Variants in BMP8A observed in about 807,000 individuals in gnomAD.
BMP8A encodes the protein BMP-8A.
Under a neutral mutation model 36.8 loss-of-function variants are expected in BMP8A, and 14 were observed. The ratio of observed to expected loss-of-function variants is 0.38; its 90% CI spans 0.25 to 0.60. The LOEUF (loss-of-function observed/expected upper bound fraction) is 0.60. Among genes scored for constraint, BMP8A ranks in the 20% least tolerant of loss-of-function variants. The probability of loss-of-function intolerance (pLI) is 0.63; values close to 1 mark genes in which losing one functional copy is unlikely to be tolerated. For synonymous variants in BMP8A, 120 were observed against 237.7 expected, an observed-to-expected ratio of 0.50 and a Z score of 4.55; for missense variants, 267 against 551.1, an observed-to-expected ratio of 0.48 and a Z score of 5.16.
chr1:39,520,197 G>A (rs1381570809), intron 3 of BMP8A, among the ~76,000 whole-genome samples: 2 of 114,628 alleles, frequency 1.7e-5, no homozygotes, highest in African/African-American at 6.2e-5. Flanking sequence ...CTGGAGTGTG[G>A]TGACACAATC....
intron 1 of BMP8A, among the ~76,000 whole-genome samples, chr1:39,493,642 C>A (rs1368360612): frequency 3.3e-5 from 5 of 152,226 alleles, no homozygotes; most frequent in African/African-American, 1.2e-4. Flanking sequence ...TGGAGGCGAG[C>A]AGCAGAAGGC....
rs1201662695 is a variant in BMP8A at position 39,527,205 on chromosome 1, G to A, written c.*1407G>A. On this transcript the variant is annotated 3_prime_UTR_variant, in exon 7 of 7. Coordinates refer to ENST00000331593, the MANE Select transcript of BMP8A (RefSeq NM_181809.4). ...TCTGTGAGTCAAAGAAAAGGTCCCT[G>A]TCCCAGGGAGTGACAGGCAGTAATT... is the stretch of plus-strand genomic sequence containing the variant. Among the ~76,000 whole-genome samples the A allele has an allele frequency of 6.6e-6, 1 of 152,214 alleles. No homozygotes were observed. The highest frequency in any genetic ancestry group is 1.9e-4 in the East Asian group (1 of 5,196).
At position 39,529,478 on chromosome 1, in the gene BMP8A, G is replaced by A. The variant is rs1484277801; in HGVS notation, c.*3680G>A. On this transcript the variant is annotated 3_prime_UTR_variant, in exon 7 of 7. Transcript: ENST00000331593. ...CCCGTAGTGAGTGTGGGGCCCACCT[G>A]TGCCCTCATGGGCAGCTGAAGGGGG... Among the ~76,000 whole-genome samples the A allele has an allele frequency of 6.6e-6, 1 of 152,202 alleles. No individual in the cohort carries two copies. Among genetic ancestry groups the A allele is most frequent in the South Asian group, 2.1e-4 (1 of 4,830 alleles).
intron 1 of BMP8A, among the ~76,000 whole-genome samples, chr1:39,504,486 A>G (rs915553836): frequency 6.6e-6 from 1 of 152,210 alleles, no homozygotes; most frequent in Non-Finnish European, 1.5e-5. Context: ...GTTTGACTTT[A>G]CACAAACATC....
At chr1:39,496,239 A>G (rs200219930) in intron 1 of BMP8A, among the ~76,000 whole-genome samples, 5,008 of 142,922 alleles carry the variant, frequency 0.035, 104 homozygotes, top group East Asian at 0.29. Flanking sequence ...GGATATAACA[A>G]TGAGAGAAGT....
chr1:39,494,223 A>G (rs1006608675), intron 1 of BMP8A, among the ~76,000 whole-genome samples: 31 of 152,230 alleles, frequency 2.0e-4, no homozygotes, highest in African/African-American at 7.5e-4. Flanking sequence ...GTACACGTGA[A>G]ACCCAGAAAT....
At position 39,525,803 on chromosome 1, in the gene BMP8A, G is replaced by C. The variant is rs2230006; in HGVS notation, c.*5G>C. ...AAGGCCTGCGGCTGCCACTGAGTCA[G>C]CCCGCCCAGCCCTACTGCAGCCACC... On this transcript the variant is annotated 3_prime_UTR_variant, in exon 7 of 7. Coordinates refer to ENST00000331593, the MANE Select transcript of BMP8A (RefSeq NM_181809.4). 5.6e-6 allele frequency: 9 copies of C among 1,613,554 alleles called. No individual in the cohort carries two copies. In the South Asian group the frequency reaches 6.6e-5, roughly 12 times the overall value.
chr1:39,496,066 G>C (rs1645202633), intron 1 of BMP8A, among the ~76,000 whole-genome samples: 1 of 152,210 alleles, frequency 6.6e-6, no homozygotes, highest in African/African-American at 2.4e-5. Flanking sequence ...GTCCTGCTCT[G>C]CCCTTGCCAG....
At chr1:39,523,161 C>T (rs1184459941) in intron 6 of BMP8A, 44 bp downstream of exon 6, 5 of 1,602,414 alleles carry the variant, frequency 3.1e-6, no homozygotes, top group Non-Finnish European at 4.3e-6. Context: ...GGGTGGGAGG[C>T]CCTGCAGAGA....
rs543007672 is a variant in BMP8A at position 39,524,014 on chromosome 1, G to A, written c.1059+897G>A. 1.4e-4 allele frequency: 21 copies of A among 153,852 alleles called. No individual in the cohort carries two copies. The highest frequency in any genetic ancestry group is 3.2e-3 in the Middle Eastern group (1 of 312). 9.5% of individuals were successfully genotyped at this position (153,852 alleles called of 1,614,324 possible). A position where few individuals can be genotyped will look rare whatever the true frequency, so the allele number is the denominator to read the frequency against. ...CACACACACACACACACACACGTGC[G>A]CACACAATGCCTTGGTGTGAGAGGA... On this transcript the variant is annotated intron_variant, in intron 6 of 6. Coordinates refer to ENST00000331593, the MANE Select transcript of BMP8A (RefSeq NM_181809.4). This position sits in a 1 kb window ranked among gnomAD's most constrained non-coding sequence, Gnocchi z 4.0.
At chr1:39,506,184 A>G (rs928035759) in intron 1 of BMP8A, among the ~76,000 whole-genome samples, 2 of 151,984 alleles carry the variant, frequency 1.3e-5, no homozygotes, top group Admixed American at 1.3e-4. Context: ...GATTTAGTTA[A>G]CAGTATCAAT....
chr1:39,520,194 G>A (rs1645420429), intron 3 of BMP8A, among the ~76,000 whole-genome samples: 1 of 111,648 alleles, frequency 9.0e-6, no homozygotes, highest in Non-Finnish European at 1.9e-5. Context: ...CAGCTGGAGT[G>A]TGGTGACACA....
chr1:39,523,679 C>G (rs887603313), intron 6 of BMP8A: 1 of 1,428,872 alleles, frequency 7.0e-7, no homozygotes. Flanking sequence ...GCTTTTGATG[C>G]CTTGGTGTCT....
At chr1:39,519,809 C>T (rs1645418337) in intron 3 of BMP8A, among the ~76,000 whole-genome samples, 1 of 147,926 alleles carries the variant, frequency 6.8e-6, no homozygotes, top group Non-Finnish European at 1.5e-5. Context: ...TTTATGCAAA[C>T]ATATGCCTGT....
intron 1 of BMP8A, among the ~76,000 whole-genome samples, chr1:39,500,246 C>A (rs781027623): frequency 6.6e-5 from 10 of 152,218 alleles, no homozygotes; most frequent in Non-Finnish European, 2.9e-5. Context: ...TTTCCCCTTA[C>A]TTTCCAGGTT....
Position 39,514,914 on chromosome 1 carries a change from AG to A in BMP8A, c.673+3013del, listed in dbSNP as rs1031704699. The stretch of plus-strand genomic sequence containing the variant: ...GTGACGCGCGGCCCGAGGCGCACGC[AG>A]GGCTCACACCACTTGTCCTGGCCTC... On this transcript the variant is annotated intron_variant, in intron 3 of 6. Transcript: ENST00000331593. 2.1e-6 allele frequency: 3 copies of A among 1,439,220 alleles called. No homozygotes were observed. In the African/African-American group the frequency reaches 4.7e-5, roughly 22 times the overall value. The allele number at this position is 1,439,220 out of a possible 1,614,324, so 89.2% of individuals were successfully genotyped here. A position where few individuals can be genotyped will look rare whatever the true frequency, so the allele number is the denominator to read the frequency against.
chr1:39,502,105 G>T (rs1029796741), intron 1 of BMP8A, among the ~76,000 whole-genome samples: 2 of 152,036 alleles, frequency 1.3e-5, no homozygotes, highest in Non-Finnish European at 2.9e-5. Context: ...GGGCTTAGTG[G>T]CAGGCACTTG....
chr1:39,509,036 A>G (rs892718500), intron 1 of BMP8A, among the ~76,000 whole-genome samples: 1 of 152,198 alleles, frequency 6.6e-6, no homozygotes, highest in Non-Finnish European at 1.5e-5. Flanking sequence ...GGGCGTCCCC[A>G]CAGAGCTGAT....
chr1:39,502,248 AAAAG>A (rs772090713), intron 1 of BMP8A, among the ~76,000 whole-genome samples: 4,916 of 149,658 alleles, frequency 0.033, 125 homozygotes, highest in Non-Finnish European at 0.052. Context: ...AAAAAAAAAA[AAAAG>A]AAAAGGAAAC....
Sources: allele counts gnomAD v4.1 joint callset (sites outside exome capture counted in the v4.1 genomes callset), GRCh38; gene constraint gnomAD v4.1.1; non-coding constraint Gnocchi (gnomAD v3.1); transcripts MANE v1.5; gene names NCBI Gene and HGNC (gene_info 2026-07-23, HGNC 2026-07-21).